The following LRP1B variants were observed in gnomAD, a reference collection of about 807,000 sequenced individuals.
LRP1B encodes the protein LDL receptor related protein 1B.
In LRP1B, 217 loss-of-function variants were observed where a neutral mutation model predicts 556.6. The ratio of observed to expected loss-of-function variants is 0.39; its 90% CI spans 0.35 to 0.44. The LOEUF is 0.44. Ranked by LOEUF, LRP1B falls within the 20% of genes least tolerant of loss-of-function variation. The probability of loss-of-function intolerance (pLI) is 1.00; values close to 1 mark genes in which losing one functional copy is unlikely to be tolerated. For missense variants in LRP1B, 5,053 were observed against 5,620.8 expected (o/e 0.90, Z 3.23); for synonymous variants, 2,047 against 1,865.8 (o/e 1.10, Z -2.50).
chr2:140,360,592 T>A (rs533107259), intron 72 of LRP1B, among the ~76,000 whole-genome samples: 1 of 151,766 alleles, frequency 6.6e-6, no homozygotes, highest in South Asian at 2.1e-4. Context: ...CCCAGTTTAC[T>A]GAAGACTAGC....
chr2:141,451,565 C>T (rs1320593267), intron 3 of LRP1B, among the ~76,000 whole-genome samples: 1 of 152,022 alleles, frequency 6.6e-6, no homozygotes, highest in Non-Finnish European at 1.5e-5. Context: ...CAGAATTCAC[C>T]TATATAATTG....
At chr2:141,804,912 C>T (rs1696122389) in intron 2 of LRP1B, among the ~76,000 whole-genome samples, 2 of 152,078 alleles carry the variant, frequency 1.3e-5, no homozygotes, top group Admixed American at 1.3e-4. Flanking sequence ...TGATCATGCA[C>T]TGTGCATACC....
At chr2:141,497,057 G>C (rs892169744) in intron 2 of LRP1B, among the ~76,000 whole-genome samples, 4 of 151,814 alleles carry the variant, frequency 2.6e-5, no homozygotes, top group African/African-American at 9.7e-5. Context: ...GTCAGAACTT[G>C]TGACATAAGA....
At chr2:141,142,940 T>TTG (rs1701691069) in intron 7 of LRP1B, among the ~76,000 whole-genome samples, 1 of 149,022 alleles carries the variant, frequency 6.7e-6, no homozygotes, top group African/African-American at 2.5e-5. Context: ...TTTTTTTTTT[T>TTG]TTTGAGACAG....
chr2:142,057,321 A>C (rs550129494), intron 1 of LRP1B, among the ~76,000 whole-genome samples: 2 of 152,288 alleles, frequency 1.3e-5, no homozygotes, highest in Non-Finnish European at 2.9e-5. Context: ...AAACGATCAG[A>C]GATCAGGGCC....
rs2105171566 is a variant in LRP1B at position 140,373,087 on chromosome 2, A to G, written c.10689T>C (p.Gly3563=). The G allele has an allele frequency of 6.2e-7, 1 of 1,613,298 alleles. No homozygotes were observed. The highest frequency in any genetic ancestry group is 8.5e-7 in the Non-Finnish European group (1 of 1,179,512). The stretch of plus-strand genomic sequence containing the variant: ...ATTTCCATTTTGCTGGTATACACTG[A>G]CCATTGGAACACCGGAACTGATCTT... The part of the protein sequence containing the change: ...CSKDQFRCSN[G]QCIPAKWKCD... The change falls in exon 69 of 91, where the codon GGT becomes GGC. Residue 3563 remains glycine, a synonymous_variant. Transcript: ENST00000389484.
chr2:141,879,553 T>C (rs1698883817), intron 1 of LRP1B, among the ~76,000 whole-genome samples: 1 of 151,686 alleles, frequency 6.6e-6, no homozygotes, highest in South Asian at 2.1e-4. Flanking sequence ...CTATCCAGGG[T>C]TTTTTTTTGT....
chr2:141,215,546 G>T (rs999421237), intron 6 of LRP1B, among the ~76,000 whole-genome samples: 1 of 152,176 alleles, frequency 6.6e-6, no homozygotes, highest in South Asian at 2.1e-4. Context: ...TAGGGACTGG[G>T]TATATGGTTG....
At chr2:141,826,206 G>T (rs1239658184) in intron 1 of LRP1B, among the ~76,000 whole-genome samples, 1 of 151,380 alleles carries the variant, frequency 6.6e-6, no homozygotes, top group East Asian at 1.9e-4. Context: ...AATTATCAGG[G>T]ATTTTAAAAA....
intron 81 of LRP1B, among the ~76,000 whole-genome samples, 172 bp downstream of exon 81, chr2:140,323,718 TAGA>T: frequency 6.6e-6 from 1 of 151,956 alleles, no homozygotes; most frequent in Admixed American, 6.6e-5. Context: ...ACAGCAGAAA[TAGA>T]ATTATCTATA....
At chr2:141,973,003 T>A (rs1329818229) in intron 1 of LRP1B, among the ~76,000 whole-genome samples, 1 of 151,686 alleles carries the variant, frequency 6.6e-6, no homozygotes, top group East Asian at 1.9e-4. Flanking sequence ...TGTTTCATTA[T>A]GACAAAAATA....
chr2:140,325,154 A>G (rs1680407077), intron 80 of LRP1B, among the ~76,000 whole-genome samples: 1 of 152,018 alleles, frequency 6.6e-6, no homozygotes, highest in African/African-American at 2.4e-5. Context: ...GAAAGAACTG[A>G]GACAGCCAGG....
chr2:141,421,637 A>C (rs971154894), intron 3 of LRP1B, among the ~76,000 whole-genome samples: 7 of 152,246 alleles, frequency 4.6e-5, no homozygotes, highest in Admixed American at 4.6e-4. Flanking sequence ...AGGGCTAACA[A>C]TAATACAGAA....
At chr2:141,795,995 G>A (rs1695799955) in intron 2 of LRP1B, among the ~76,000 whole-genome samples, 1 of 149,154 alleles carries the variant, frequency 6.7e-6, no homozygotes, top group African/African-American at 2.5e-5. Flanking sequence ...GTTTATTCAT[G>A]GGTTAAATCT....
At chr2:141,467,193 G>A (rs1682263245) in intron 3 of LRP1B, among the ~76,000 whole-genome samples, 1 of 150,618 alleles carries the variant, frequency 6.6e-6, no homozygotes, top group Non-Finnish European at 1.5e-5. Flanking sequence ...GAGAGAGCGC[G>A]GGGGGAATTA....
chr2:141,650,568 A>C (rs1289529540), intron 2 of LRP1B, among the ~76,000 whole-genome samples: 2 of 152,248 alleles, frequency 1.3e-5, no homozygotes, highest in African/African-American at 2.4e-5. Context: ...GGGAAGAGGC[A>C]AGGGTGAAAG....
chr2:141,840,311 T>A (rs977015789), intron 1 of LRP1B, among the ~76,000 whole-genome samples: 44 of 135,226 alleles, frequency 3.3e-4, no homozygotes, highest in Non-Finnish European at 5.4e-4. Context: ...TCGCCCACGC[T>A]GGAGTGCAGT....
chr2:140,615,465 T>A (rs2105236209), intron 41 of LRP1B, among the ~76,000 whole-genome samples: 1 of 152,200 alleles, frequency 6.6e-6, no homozygotes, highest in East Asian at 1.9e-4. Flanking sequence ...TCTACTGCAA[T>A]ACCGCTATCT....
chr2:142,006,095 T>C (rs1702792049), intron 1 of LRP1B, among the ~76,000 whole-genome samples: 1 of 152,104 alleles, frequency 6.6e-6, no homozygotes. Flanking sequence ...TCTTTTCCTG[T>C]CTAAATACTA....
Sources: allele counts gnomAD v4.1 joint callset (sites outside exome capture counted in the v4.1 genomes callset), GRCh38; gene constraint gnomAD v4.1.1; transcripts MANE v1.5; gene names NCBI Gene and HGNC (gene_info 2026-07-23, HGNC 2026-07-21).